TRAF1: variants seen among roughly 807,000 people sequenced by gnomAD.
TRAF1 encodes TNF receptor associated factor 1.
A neutral mutation model predicts 40.9 loss-of-function variants in TRAF1; 23 were observed. That is an observed-to-expected ratio of 0.56 (90% CI 0.40 to 0.80). The LOEUF is 0.80. Among genes scored for constraint, TRAF1 ranks in the 30% least tolerant of loss-of-function variants. TRAF1 has a pLI of 0.00. For missense variants in TRAF1, 477 were observed against 528.7 expected (o/e 0.90, Z 0.96); for synonymous variants, 206 against 218.8 (o/e 0.94, Z 0.52).
At chr9:120,921,881 G>A (rs1027081280) in intron 3 of TRAF1, among the ~76,000 whole-genome samples, 3 of 152,166 alleles carry the variant, frequency 2.0e-5, no homozygotes, top group Non-Finnish European at 4.4e-5. Context: ...CTGGTCCAGC[G>A]GTAGGGGGAT....
In TRAF1 at chr9:120,907,107, C is replaced by A. The variant is rs145636648; in HGVS notation, c.1033-1869G>T. 2.0e-5 allele frequency among the ~76,000 whole-genome samples: 3 copies of A among 152,338 alleles called. No individual in the cohort carries two copies. In the East Asian group the frequency reaches 5.8e-4, roughly 29 times the overall value. ...GAACTCCTGGGCTCAAGCGCTCCAC[C>A]TGCCTCGGCCTCCCAAAGTGCTGAT... On this transcript the variant is annotated intron_variant, in intron 7 of 7. Transcript: ENST00000373887.
chr9:120,903,504 C>G lies in TRAF1; in HGVS notation c.*1516G>C, dbSNP rs1453489317. The stretch of plus-strand genomic sequence containing the variant: ...GGAGAGAACAGGAAGGGCTACTGAC[C>G]CATTTTTATAGAAGCAACCCTAACG... On this transcript the variant is annotated 3_prime_UTR_variant, in exon 8 of 8. Coordinates refer to ENST00000373887, the MANE Select transcript of TRAF1 (RefSeq NM_005658.5). The G allele has an allele frequency of 6.6e-6, 1 of 152,258 alleles. No homozygotes were observed. Among genetic ancestry groups the G allele is most frequent in the African/African-American group, 2.4e-5 (1 of 41,440 alleles). 9.4% of individuals were successfully genotyped at this position (152,258 alleles called of 1,614,324 possible).
intron 2 of TRAF1, 46 bp from the exon 3 acceptor site, chr9:120,923,838 C>T (rs775311589): frequency 2.6e-6 from 4 of 1,545,680 alleles, no homozygotes; most frequent in South Asian, 1.1e-5. Flanking sequence ...CTACAGCTCC[C>T]TGCACCATCC....
chr9:120,921,505 A>G (rs2046605101), intron 3 of TRAF1, among the ~76,000 whole-genome samples: 1 of 152,252 alleles, frequency 6.6e-6, no homozygotes, highest in African/African-American at 2.4e-5. Context: ...GCTAAAAACA[A>G]CAGTCCTAGA....
At chr9:120,913,094 T>C (rs936758383) in intron 5 of TRAF1, among the ~76,000 whole-genome samples, 10 of 152,236 alleles carry the variant, frequency 6.6e-5, no homozygotes, top group South Asian at 6.2e-4. Flanking sequence ...GGAGGTGGTG[T>C]CTTATCACAA....
chr9:120,905,061 C>T lies in TRAF1; in HGVS notation c.1210G>A (p.Asp404Asn), dbSNP rs1177675360. The part of the protein sequence containing the change: ...QSPKHAYVKD[D>N]TMFLKCIVET... ...ACAATGCACTTGAGGAACATTGTGT[C>T]GTCCTTCACGTAGGCGTGCTTGGGT... is the stretch of plus-strand genomic sequence containing the variant. Residue 404 changes from aspartate to asparagine, a missense_variant, in exon 8 of 8, where the codon GAC becomes AAC. Coordinates refer to ENST00000373887, the MANE Select transcript of TRAF1 (RefSeq NM_005658.5). The T allele has an allele frequency of 5.6e-6, 9 of 1,614,222 alleles. No homozygotes were observed. Among genetic ancestry groups the T allele is most frequent in the East Asian group, 2.2e-5 (1 of 44,886 alleles).
intron 3 of TRAF1, among the ~76,000 whole-genome samples, chr9:120,920,239 G>T (rs777179536): frequency 2.8e-4 from 43 of 152,194 alleles, no homozygotes; most frequent in Non-Finnish European, 4.6e-4. Flanking sequence ...GTTGCCTTTT[G>T]TGACCTCAAG....
rs371039591 is a variant in TRAF1 at position 120,905,070 on chromosome 9, C to T, written c.1201G>A (p.Val401Met). The change falls in exon 8 of 8, where the codon GTG becomes ATG. Residue 401 changes from valine (V) to methionine (M), a missense_variant. Transcript: ENST00000373887. ...TTGAGGAACATTGTGTCGTCCTTCA[C>T]GTAGGCGTGCTTGGGTGACTGCAGT... ...SKLQSPKHAY[V>M]KDDTMFLKCI... 58 of 1,614,136 alleles carry T rather than the reference C, an allele frequency of 3.6e-5. No individual in the cohort carries two copies. The highest frequency in any genetic ancestry group is 4.2e-5 in the Non-Finnish European group (50 of 1,180,058).
At position 120,905,166 on chromosome 9, in the gene TRAF1, C is replaced by G; in HGVS notation, c.1105G>C (p.Ala369Pro). ...IDAFRPDLSS[A>P]SFQRPQSETN... ...TCACTCTGGGGCCTCTGGAAGGACG[C>G]TGAGCTTAGGTCAGGCCGGAAGGCG... The change falls in exon 8 of 8, where the codon GCG (alanine) becomes CCG (proline). Residue 369 changes from alanine (A) to proline (P), a missense_variant. Coordinates refer to ENST00000373887, the MANE Select transcript of TRAF1 (RefSeq NM_005658.5). 6.2e-7 allele frequency: 1 copy of G among 1,614,194 alleles called. No homozygotes were observed. Among genetic ancestry groups the G allele is most frequent in the South Asian group, 1.1e-5 (1 of 91,070 alleles).
rs1431749272 is a variant in TRAF1, at chr9:120,902,496, G to C, written c.*2524C>G. The stretch of plus-strand genomic sequence containing the variant: ...CCAGGGTTACCAGCAGGTGCTCTGT[G>C]GGCAGGGCGGGGGGTGGGGGGGGGG... On this transcript the variant is annotated 3_prime_UTR_variant, in exon 8 of 8. Transcript: ENST00000373887. 1 of 139,240 alleles carries C rather than the reference G, an allele frequency of 7.2e-6. No individual in the cohort carries two copies. The highest frequency in any genetic ancestry group is 2.1e-4 in the East Asian group (1 of 4,700). The allele number at this position is 139,240 out of a possible 1,614,324, so 8.6% of individuals were successfully genotyped here.
chr9:120,918,900 G>T (rs182140755), intron 3 of TRAF1, among the ~76,000 whole-genome samples: 7 of 152,248 alleles, frequency 4.6e-5, no homozygotes, highest in South Asian at 2.1e-4. Context: ...ACAGCCATGA[G>T]GGGGAGGTTG....
chr9:120,909,494 T>G, intron 6 of TRAF1, 116 bp from the exon 7 acceptor site: 1 of 1,241,104 alleles, frequency 8.1e-7, no homozygotes, highest in Non-Finnish European at 1.1e-6. Flanking sequence ...AAGATGGGGT[T>G]AGAACCCAGC....
intron 2 of TRAF1, 64 bp downstream of exon 2, chr9:120,925,872 T>G: frequency 1.2e-6 from 2 of 1,606,572 alleles, no homozygotes; most frequent in East Asian, 2.2e-5. Context: ...GCCCCTCACC[T>G]CCCATCAGGG....
intron 3 of TRAF1, among the ~76,000 whole-genome samples, chr9:120,919,116 G>A (rs2046588083): frequency 6.6e-6 from 1 of 152,220 alleles, no homozygotes; most frequent in Non-Finnish European, 1.5e-5. Context: ...AGGGAATCAG[G>A]AATCAGACTG....
At chr9:120,923,374 C>G (rs1464621750) in intron 3 of TRAF1, among the ~76,000 whole-genome samples, 4 of 152,302 alleles carry the variant, frequency 2.6e-5, no homozygotes, top group Middle Eastern at 3.4e-3. Context: ...CATGGCCTAT[C>G]ATTCTTCTGA....
intron 2 of TRAF1, 149 bp from the exon 3 acceptor site, chr9:120,923,941 C>G (rs1930780): frequency 0.68 from 499,033 of 733,988 alleles, 172,132 homozygotes; most frequent in South Asian, 0.82. Context: ...AATCGCAAAA[C>G]TGCCGAGTAT....
chr9:120,911,237 G>C, intron 6 of TRAF1, 99 bp downstream of exon 6: 2 of 1,380,284 alleles, frequency 1.4e-6, no homozygotes, highest in Admixed American at 4.3e-5. Flanking sequence ...ACTGGACACA[G>C]CGTGTCTGTC....
In TRAF1 at chr9:120,913,385, G is replaced by A. The variant is rs2046543468; in HGVS notation, c.648C>T (p.Ala216=). The A allele has an allele frequency of 1.2e-6, 2 of 1,613,742 alleles. No individual in the cohort carries two copies. The highest frequency in any genetic ancestry group is 1.7e-6 in the Non-Finnish European group (2 of 1,180,006). ...CCAGCTGGCTCTGGTGGATAGAGGT[G>A]GCCAGGGCCAGGTGGGAGGCCTCCA... The part of the protein sequence containing the change: ...KEVEASHLAL[A]TSIHQSQLDR... Residue 216 remains alanine, a synonymous_variant, in exon 5 of 8, where the codon GCC becomes GCT. Coordinates refer to ENST00000373887, the MANE Select transcript of TRAF1 (RefSeq NM_005658.5).
At chr9:120,922,864 G>T (rs1031789865) in intron 3 of TRAF1, among the ~76,000 whole-genome samples, 1 of 152,018 alleles carries the variant, frequency 6.6e-6, no homozygotes, top group Non-Finnish European at 1.5e-5. Context: ...TTGAGACAGG[G>T]TCTCATTCTG....
Sources: gnomAD v4.1 joint callset for allele counts (sites outside exome capture counted in the v4.1 genomes callset) on GRCh38, gnomAD v4.1.1 for gene constraint, MANE v1.5 for transcripts, NCBI Gene and HGNC (gene_info 2026-07-23, HGNC 2026-07-21) for gene names.